ATP8B4: variants seen among roughly 807,000 people sequenced by gnomAD.
ATP8B4 encodes probable phospholipid-transporting ATPase IM.
Under a neutral mutation model 145.6 loss-of-function variants are expected in ATP8B4, and 133 were observed. That is an observed-to-expected ratio of 0.91 (90% CI 0.79 to 1.05). ATP8B4 has a LOEUF of 1.05. Among genes scored for constraint, ATP8B4 ranks in the 50% least tolerant of loss-of-function variants. The pLI, the probability that ATP8B4 is intolerant of heterozygous loss-of-function variation, is 0.00. For missense variants in ATP8B4, 1,458 were observed against 1,425.2 expected (o/e 1.02, Z -0.37); for synonymous variants, 507 against 492.9 (o/e 1.03, Z -0.38).
Position 50,092,781 on chromosome 15 carries a change from T to C in ATP8B4, c.28+14158A>G, listed in dbSNP as rs548004889. Among the ~76,000 whole-genome samples the C allele has an allele frequency of 4.6e-5, 7 of 152,008 alleles. No homozygotes were observed. The South Asian group carries it at 1.2e-3, about 27-fold the overall frequency. ...TCCCCATTGAGGAGAACAGAGAGAA[T>C]AGGGGATAGAAACATGATCTGAGGA... On this transcript the variant is annotated intron_variant, in intron 2 of 27. Coordinates refer to ENST00000284509, the MANE Select transcript of ATP8B4 (RefSeq NM_024837.4).
chr15:50,173,711 AT>A (rs201446251), intron 1 of ATP8B4, among the ~76,000 whole-genome samples: 5 of 152,102 alleles, frequency 3.3e-5, no homozygotes, highest in African/African-American at 7.2e-5. Context: ...TACTAAAAAA[AT>A]TTAAAAAAAA....
chr15:49,876,502 C>T lies in ATP8B4; in HGVS notation c.2803G>A (p.Val935Met), dbSNP rs1160206528. The change falls in exon 25 of 28, where the codon GTG becomes ATG. Residue 935 changes from valine (V) to methionine (M), a missense_variant. Coordinates refer to ENST00000284509, the MANE Select transcript of ATP8B4 (RefSeq NM_024837.4). Reference sequence around the variant, plus strand: ...GGTTTGTAGAGCTGGGGACAGTCCACGCTGTTCTGGTCACTCACATCCTGT... The same window carrying T: ...GGTTTGTAGAGCTGGGGACAGTCCATGCTGTTCTGGTCACTCACATCCTGT... ...FDQDVSDQNS[V>M]DCPQLYKPGQ... is the part of the protein sequence containing the mutation. 2.9e-5 allele frequency: 47 copies of T among 1,614,014 alleles called. No homozygotes were observed. Among genetic ancestry groups the T allele is most frequent in the Middle Eastern group, 3.3e-4 (2 of 6,056 alleles).
At chr15:50,054,521 C>T (rs528673024) in intron 3 of ATP8B4, among the ~76,000 whole-genome samples, 3 of 152,220 alleles carry the variant, frequency 2.0e-5, no homozygotes, top group South Asian at 2.1e-4. Context: ...CGGTGGCTCA[C>T]GCCGGTAATC....
intron 5 of ATP8B4, among the ~76,000 whole-genome samples, chr15:50,043,408 C>A (rs1333912151): frequency 1.3e-5 from 2 of 152,130 alleles, no homozygotes; most frequent in Non-Finnish European, 2.9e-5. Context: ...CACTTATACA[C>A]AGATTTTTTT....
chr15:50,071,601 C>G (rs1017804107), intron 3 of ATP8B4, among the ~76,000 whole-genome samples: 1 of 152,134 alleles, frequency 6.6e-6, no homozygotes, highest in African/African-American at 2.4e-5. Flanking sequence ...GATGGTCAAG[C>G]CTTTCAGAGG....
chr15:50,170,503 C>CCA (rs1555498985), intron 1 of ATP8B4, among the ~76,000 whole-genome samples: 1 of 147,776 alleles, frequency 6.8e-6, no homozygotes, highest in East Asian at 2.0e-4. Context: ...AAACCCCCCC[C>CCA]ACCCTCCACA....
At chr15:49,928,679 C>T (rs1383905452) in intron 16 of ATP8B4, among the ~76,000 whole-genome samples, 3 of 151,892 alleles carry the variant, frequency 2.0e-5, no homozygotes, top group Non-Finnish European at 2.9e-5. Context: ...TGACAAGAAA[C>T]TTAACTAAGG....
intron 23 of ATP8B4, 74 bp from the exon 24 acceptor site, chr15:49,879,533 A>G: frequency 7.3e-7 from 1 of 1,368,440 alleles, no homozygotes; most frequent in African/African-American, 1.5e-5. Flanking sequence ...AGGTTAAATA[A>G]CCAGGTTTTC....
intron 25 of ATP8B4, among the ~76,000 whole-genome samples, chr15:49,875,057 A>G (rs997144525): frequency 2.6e-5 from 4 of 152,216 alleles, no homozygotes; most frequent in Non-Finnish European, 5.9e-5. Context: ...CAAAAATTGT[A>G]GGGTTAATTG....
intron 20 of ATP8B4, among the ~76,000 whole-genome samples, chr15:49,904,245 C>A (rs1237903108): frequency 6.6e-6 from 1 of 152,136 alleles, no homozygotes; most frequent in African/African-American, 2.4e-5. Flanking sequence ...CACTACCCTG[C>A]CAACAGTAGA....
rs1242220248 is a variant in ATP8B4, at chr15:50,167,952, G to A, written c.-43+14309C>T. Among the ~76,000 whole-genome samples, 3 of 152,246 alleles carry A rather than the reference G, an allele frequency of 2.0e-5. No homozygotes were observed. The East Asian group carries it at 5.8e-4, about 29-fold the overall frequency. ...ATTAAATCAGATCTAGAACTCAGCA[G>A]ACATATTTGGGCTGAATATTTACAA... On this transcript the variant is annotated intron_variant, in intron 1 of 3. Transcript: ENST00000558829.
intron 1 of ATP8B4, among the ~76,000 whole-genome samples, chr15:50,133,856 C>G (rs1418979263): frequency 2.6e-5 from 4 of 151,966 alleles, no homozygotes. Flanking sequence ...AAATAATGAG[C>G]CAGGTATGGT....
intron 14 of ATP8B4, among the ~76,000 whole-genome samples, chr15:49,960,940 G>C (rs543635241): frequency 6.6e-6 from 1 of 152,264 alleles, no homozygotes; most frequent in East Asian, 1.9e-4. Context: ...AGACCATCCT[G>C]GCTAACATGG....
intron 1 of ATP8B4, among the ~76,000 whole-genome samples, chr15:50,112,422 G>A (rs902617670): frequency 2.6e-5 from 4 of 152,032 alleles, no homozygotes; most frequent in African/African-American, 9.7e-5. Flanking sequence ...GAAGACTCAG[G>A]AAAAAGCAGG....
At chr15:50,030,633 C>A (rs948323048) in intron 6 of ATP8B4, among the ~76,000 whole-genome samples, 1 of 152,124 alleles carries the variant, frequency 6.6e-6, no homozygotes, top group African/African-American at 2.4e-5. Context: ...TTTTCTCCCC[C>A]ACAAATTCTT....
intron 6 of ATP8B4, among the ~76,000 whole-genome samples, chr15:50,013,088 CA>C (rs2048836518): frequency 6.6e-6 from 1 of 152,056 alleles, no homozygotes; most frequent in Non-Finnish European, 1.5e-5. Flanking sequence ...CCACCACTGA[CA>C]ATAATACATA....
At position 50,003,997 on chromosome 15, in the gene ATP8B4, C is replaced by T. The variant is rs1220450094; in HGVS notation, c.436-1774G>A. Among the ~76,000 whole-genome samples, 5 of 152,286 alleles carry T rather than the reference C, an allele frequency of 3.3e-5. No individual in the cohort carries two copies. In the East Asian group the frequency reaches 9.7e-4, roughly 29 times the overall value. On this transcript the variant is annotated intron_variant, in intron 7 of 27. Coordinates refer to ENST00000284509, the MANE Select transcript of ATP8B4 (RefSeq NM_024837.4). ...AGGTTCCGGGCTAACTGTTCTTGCT[C>T]ACTGTACTCTCCAGGACCAAGACGC...
chr15:50,041,309 A>G (rs977837236), intron 5 of ATP8B4, among the ~76,000 whole-genome samples: 3 of 152,248 alleles, frequency 2.0e-5, no homozygotes, highest in African/African-American at 7.2e-5. Context: ...CGTTCCTCAG[A>G]ATGTTCTCTA....
intron 1 of ATP8B4, among the ~76,000 whole-genome samples, chr15:50,155,675 C>T (rs1313871839): frequency 6.6e-6 from 1 of 151,988 alleles, no homozygotes; most frequent in East Asian, 1.9e-4. Context: ...CATGTAGACA[C>T]AACATACAAC....
Sources: allele counts gnomAD v4.1 joint callset (sites outside exome capture counted in the v4.1 genomes callset), GRCh38; gene constraint gnomAD v4.1.1; transcripts MANE v1.5; gene names NCBI Gene and HGNC (gene_info 2026-07-23, HGNC 2026-07-21).